Variants in ZKSCAN5 observed in about 807,000 individuals in gnomAD.
The protein encoded by ZKSCAN5 is zinc finger with KRAB and SCAN domains 5.
ZKSCAN5 carries 28 observed loss-of-function variants against 60.0 expected under a neutral mutation model. The observed-to-expected ratio is 0.47, with a 90% confidence interval of 0.35 to 0.64. The LOEUF (loss-of-function observed/expected upper bound fraction) is 0.64. Ranked by LOEUF, ZKSCAN5 falls within the 30% of genes least tolerant of loss-of-function variation. The pLI is 0.01. For missense variants in ZKSCAN5, 881 were observed against 1,034.6 expected (o/e 0.85, Z 2.04); for synonymous variants, 361 against 371.2 (o/e 0.97, Z 0.31).
intron 2 of ZKSCAN5, among the ~76,000 whole-genome samples, chr7:99,509,469 C>CTT (rs774573507): frequency 7.2e-5 from 10 of 138,418 alleles, no homozygotes; most frequent in East Asian, 4.2e-4. Context: ...GACCACAGCA[C>CTT]TTTTTTTTTT....
chr7:99,507,905 C>CA (rs1388088367), intron 2 of ZKSCAN5, among the ~76,000 whole-genome samples: 5 of 150,026 alleles, frequency 3.3e-5, no homozygotes, highest in Non-Finnish European at 7.4e-5. Flanking sequence ...TACCCTATTT[C>CA]AAAAAAAAGT....
intron 5 of ZKSCAN5, among the ~76,000 whole-genome samples, chr7:99,522,316 G>C (rs1266946405): frequency 6.6e-6 from 1 of 152,134 alleles, no homozygotes; most frequent in Non-Finnish European, 1.5e-5. Flanking sequence ...TGGAGTGGCA[G>C]GGGTGTTGGG....
At chr7:99,525,747 C>A in intron 5 of ZKSCAN5, 66 bp from the exon 6 acceptor site, 1 of 1,536,804 alleles carries the variant, frequency 6.5e-7, no homozygotes. Flanking sequence ...TCTTCATTAT[C>A]CCCTCATTTT....
In ZKSCAN5 at chr7:99,526,144, C is replaced by A. The variant is rs1390356607; in HGVS notation, c.1104C>A (p.His368Gln). The change falls in exon 6 of 7, where the codon CAC becomes CAA. Residue 368 changes from histidine (H) to glutamine (Q), a missense_variant. His to Gln is a conservative substitution (Grantham distance 24). Transcript: ENST00000326775. The part of the protein sequence containing the change: ...ASNFIQHRRI[H>Q]TGEKPFKCGE... Reference sequence around the variant, plus strand: ...ACTTTATTCAGCATCGGCGCATCCACACTGGAGAAAAACCGTTTAAGTGCG... The same window carrying A: ...ACTTTATTCAGCATCGGCGCATCCAAACTGGAGAAAAACCGTTTAAGTGCG... The A allele has an allele frequency of 2.5e-6, 4 of 1,614,120 alleles. No homozygotes were observed. The African/African-American group carries it at 5.3e-5, about 22-fold the overall frequency.
chr7:99,522,173 G>A (rs1200805049), intron 5 of ZKSCAN5, among the ~76,000 whole-genome samples: 1 of 152,122 alleles, frequency 6.6e-6, no homozygotes, highest in Non-Finnish European at 1.5e-5. Flanking sequence ...GGCCATGTTA[G>A]ATTCTTTTCA....
Position 99,532,299 on chromosome 7 carries a change from A to T in ZKSCAN5, c.*50A>T, listed in dbSNP as rs539388930. The T allele has an allele frequency of 1.3e-6, 2 of 1,487,992 alleles. No individual in the cohort carries two copies. The highest frequency in any genetic ancestry group is 1.8e-6 in the Non-Finnish European group (2 of 1,118,208). 92.2% of individuals were successfully genotyped at this position (1,487,992 alleles called of 1,614,324 possible). ...CTTCCTGGAGGGAAACCATACTCCT[A>T]TAATGAGCAAAGTAACAACTTCAAG... On this transcript the variant is annotated 3_prime_UTR_variant, in exon 7 of 7. Transcript: ENST00000326775.
chr7:99,525,514 A>C (rs1186779263), intron 5 of ZKSCAN5, among the ~76,000 whole-genome samples: 2 of 151,926 alleles, frequency 1.3e-5, no homozygotes, highest in Admixed American at 6.6e-5. Context: ...CACACACACA[A>C]GAGAACATTT....
intron 5 of ZKSCAN5, among the ~76,000 whole-genome samples, chr7:99,525,490 C>T (rs556867858): frequency 6.6e-5 from 10 of 151,968 alleles, no homozygotes; most frequent in East Asian, 1.9e-4. Flanking sequence ...CACATACACG[C>T]GCGCGCGCAC....
Position 99,534,650 on chromosome 7 carries a change from C to T in ZKSCAN5, c.*2401C>T, listed in dbSNP as rs1802175289. ...CTGAGATCACGCCACTGCACTCTAG[C>T]CCAGTTGACAGAGCGACAGTGTCTA... On this transcript the variant is annotated 3_prime_UTR_variant, in exon 7 of 7. Coordinates refer to ENST00000326775, the MANE Select transcript of ZKSCAN5 (RefSeq NM_145102.4). The T allele has an allele frequency of 1.4e-5, 2 of 139,208 alleles. No homozygotes were observed. Among genetic ancestry groups the T allele is most frequent in the African/African-American group, 5.4e-5 (2 of 36,894 alleles). The allele number at this position is 139,208 out of a possible 1,614,324, so 8.6% of individuals were successfully genotyped here. A position where few individuals can be genotyped will look rare whatever the true frequency, so the allele number is the denominator to read the frequency against.
In ZKSCAN5 at chr7:99,522,876, C is replaced by T. The variant is rs1801602076; in HGVS notation, c.772+2572C>T. Reference sequence around the variant, plus strand: ...AGTAGAATATGGAGGCAAGGAGGAGCAGACAGGCTGGGCCGTGGTGTCTCA... The same window carrying T: ...AGTAGAATATGGAGGCAAGGAGGAGTAGACAGGCTGGGCCGTGGTGTCTCA... On this transcript the variant is annotated intron_variant, in intron 5 of 6. Coordinates refer to ENST00000326775, the MANE Select transcript of ZKSCAN5 (RefSeq NM_145102.4). Among the ~76,000 whole-genome samples the T allele has an allele frequency of 3.9e-4, 3 of 7,696 alleles. No individual in the cohort carries two copies. In the South Asian group the frequency reaches 0.016, roughly 40 times the overall value. 5.0% of individuals were successfully genotyped at this position (7,696 alleles called of 152,430 possible). A position where few individuals can be genotyped will look rare whatever the true frequency, so the allele number is the denominator to read the frequency against.
chr7:99,532,066 C>G lies in ZKSCAN5; in HGVS notation c.2337C>G (p.Gly779=). The change falls in exon 7 of 7, where the codon GGC becomes GGG. Residue 779 remains glycine (G), a synonymous_variant. Transcript: ENST00000326775. ...AATCCCATCAATGTCATGAATGTGG[C>G]AGAGGCTTCACTCTGAAGTCACATC... ...STKSHQCHEC[G]RGFTLKSHLN... 5 of 1,614,166 alleles carry G rather than the reference C, an allele frequency of 3.1e-6. No individual in the cohort carries two copies. Among genetic ancestry groups the G allele is most frequent in the Non-Finnish European group, 4.2e-6 (5 of 1,180,028 alleles).
chr7:99,517,342 G>T (rs1801310250), intron 3 of ZKSCAN5, among the ~76,000 whole-genome samples: 1 of 151,956 alleles, frequency 6.6e-6, no homozygotes. Context: ...GGGATTACAG[G>T]CGTGAGCCAC....
Position 99,506,119 on chromosome 7 carries a change from T to C in ZKSCAN5, c.75T>C (p.Leu25=). 1 of 1,614,128 alleles carries C rather than the reference T, an allele frequency of 6.2e-7. No individual in the cohort carries two copies. The highest frequency in any genetic ancestry group is 8.5e-7 in the Non-Finnish European group (1 of 1,180,020). ...AGACTTCCCAGGAGCAGGAAGACCT[T>C]TTCATAGTGAAGGTGGAAGAAGAAG... ...PAETSQEQED[L]FIVKVEEEDC... The change falls in exon 2 of 7, where the codon CTT becomes CTC. Residue 25 remains leucine (L), a synonymous_variant. Transcript: ENST00000326775.
At chr7:99,507,481 GTGTATATA>G (rs199558102) in intron 2 of ZKSCAN5, among the ~76,000 whole-genome samples, 138 of 146,970 alleles carry the variant, frequency 9.4e-4, no homozygotes, top group Admixed American at 1.9e-3. Context: ...GTGTATATAT[GTGTATATA>G]TGTATATATG....
intron 6 of ZKSCAN5, among the ~76,000 whole-genome samples, chr7:99,530,784 C>G (rs1179605106): frequency 6.6e-6 from 1 of 152,132 alleles, no homozygotes; most frequent in Non-Finnish European, 1.5e-5. Context: ...GGGCCAGGCA[C>G]GGTGGCTTAA....
Position 99,531,321 on chromosome 7 carries a change from A to G in ZKSCAN5, c.1592A>G (p.Asn531Ser), listed in dbSNP as rs1478968293. 2 of 1,614,080 alleles carry G rather than the reference A, an allele frequency of 1.2e-6. No homozygotes were observed. The highest frequency in any genetic ancestry group is 2.7e-5 in the African/African-American group (2 of 74,932). ...GGACAACCATCTTCAAAGAGGATGAACTACAGTGAAGTCCCATATGTCCAC... is the reference window on the plus strand; with the variant it reads ...GGACAACCATCTTCAAAGAGGATGAGCTACAGTGAAGTCCCATATGTCCAC... ...ILGQPSSKRM[N>S]YSEVPYVHKK... is the part of the protein sequence containing the mutation. Residue 531 changes from asparagine to serine, a missense_variant, in exon 7 of 7, where the codon AAC (asparagine) becomes AGC (serine). By Grantham distance (46) the Asn-to-Ser change is conservative. This residue lies in a region of ZKSCAN5 where 490 missense variants were observed against 554.5 expected (regional missense o/e 0.88). Coordinates refer to ENST00000326775, the MANE Select transcript of ZKSCAN5 (RefSeq NM_145102.4).
chr7:99,523,377 T>C (rs1037405744), intron 5 of ZKSCAN5, among the ~76,000 whole-genome samples: 3 of 151,816 alleles, frequency 2.0e-5, no homozygotes, highest in African/African-American at 7.3e-5. Context: ...ATCTCAGCAC[T>C]TTGGGAGGCC....
At chr7:99,507,120 T>TA (rs1562901194) in intron 2 of ZKSCAN5, among the ~76,000 whole-genome samples, 1 of 152,206 alleles carries the variant, frequency 6.6e-6, no homozygotes, top group Non-Finnish European at 1.5e-5. Context: ...TGTGTATTCT[T>TA]ACAGAGCTGT....
In ZKSCAN5 at chr7:99,532,050, A is replaced by C; in HGVS notation, c.2321A>C (p.Gln774Pro). 6.2e-7 allele frequency: 1 copy of C among 1,614,218 alleles called. No individual in the cohort carries two copies. The change falls in exon 7 of 7, where the codon CAA (glutamine) becomes CCA (proline). Residue 774 changes from glutamine to proline, a missense_variant. Physicochemically the swap from Gln to Pro is moderately conservative, Grantham distance 76. Coordinates refer to ENST00000326775, the MANE Select transcript of ZKSCAN5 (RefSeq NM_145102.4). ...QKIYSSTKSH[Q>P]CHECGRGFTL... ...ATCTACTCCAGCACAAAATCCCATCAATGTCATGAATGTGGCAGAGGCTTC... is the reference window on the plus strand; with the variant it reads ...ATCTACTCCAGCACAAAATCCCATCCATGTCATGAATGTGGCAGAGGCTTC...
Sources: gnomAD v4.1 joint callset for allele counts (sites outside exome capture counted in the v4.1 genomes callset) on GRCh38, gnomAD v4.1.1 for gene constraint, gnomAD v4.1.1 regional missense constraint, MANE v1.5 for transcripts, NCBI Gene and HGNC (gene_info 2026-07-23, HGNC 2026-07-21) for gene names.